Variants in BRINP3 observed in about 807,000 individuals in gnomAD.
BRINP3 encodes BMP/retinoic acid-inducible neural-specific protein 3.
A neutral mutation model predicts 71.0 loss-of-function variants in BRINP3; 19 were observed. The observed-to-expected ratio is 0.27, with a 90% CI of 0.19 to 0.39. The LOEUF is 0.39. BRINP3 is among the 10% of genes least tolerant of loss of function. BRINP3 has a pLI of 1.00. For synonymous variants in BRINP3, 380 were observed against 337.7 expected (o/e 1.13, Z -1.37); for missense variants, 959 against 940.8 (o/e 1.02, Z -0.25).
chr1:190,215,763 C>G (rs1003154183), intron 6 of BRINP3, among the ~76,000 whole-genome samples: 1 of 151,764 alleles, frequency 6.6e-6, no homozygotes, highest in Non-Finnish European at 1.5e-5. Context: ...ATTCTTAGAT[C>G]ATCAAATAAA....
chr1:190,422,791 ATTTGT>A (rs764072451), intron 2 of BRINP3, among the ~76,000 whole-genome samples: 2 of 151,802 alleles, frequency 1.3e-5, no homozygotes, highest in Non-Finnish European at 2.9e-5. Context: ...AGATTTAAGC[ATTTGT>A]TTTATGTTTG....
At chr1:190,252,522 T>C (rs1660240722) in intron 4 of BRINP3, among the ~76,000 whole-genome samples, 1 of 152,098 alleles carries the variant, frequency 6.6e-6, no homozygotes, top group Non-Finnish European at 1.5e-5. Flanking sequence ...CAAAGCTGTT[T>C]CAGCATACAT....
intron 4 of BRINP3, among the ~76,000 whole-genome samples, chr1:190,258,287 C>A (rs1430335364): frequency 6.6e-6 from 1 of 152,216 alleles, no homozygotes; most frequent in Non-Finnish European, 1.5e-5. Flanking sequence ...TGGGACCTCA[C>A]TGAGCCAGGC....
chr1:190,384,150 T>A (rs1048051179), intron 2 of BRINP3, among the ~76,000 whole-genome samples: 2 of 150,684 alleles, frequency 1.3e-5, no homozygotes, highest in Admixed American at 1.3e-4. Context: ...ACAAATGTTT[T>A]TTTTTTCATT....
rs77417134 is a variant in BRINP3, at chr1:190,473,046, T to C, written c.-51+4402A>G. 2.7e-3 allele frequency among the ~76,000 whole-genome samples: 411 copies of C among 152,064 alleles called. 2 individuals carry two copies. The highest frequency in any genetic ancestry group is 9.4e-3 in the African/African-American group (392 of 41,562). On this transcript the variant is annotated intron_variant, in intron 1 of 7. Coordinates refer to ENST00000367462, the MANE Select transcript of BRINP3 (RefSeq NM_199051.3). ...TAAAAGAAAATGAAATTGATCGTTATATGGTATCATGTCTATTTCATTTGG... is the reference window on the plus strand; with the variant it reads ...TAAAAGAAAATGAAATTGATCGTTACATGGTATCATGTCTATTTCATTTGG...
At chr1:190,197,318 A>G (rs1285012162) in intron 6 of BRINP3, among the ~76,000 whole-genome samples, 1 of 152,112 alleles carries the variant, frequency 6.6e-6, no homozygotes, top group Non-Finnish European at 1.5e-5. Flanking sequence ...CCCCTACCAA[A>G]TTTCATGTCC....
Position 190,300,585 on chromosome 1 carries a change from C to T in BRINP3, c.237-18835G>A, listed in dbSNP as rs540787665. Among the ~76,000 whole-genome samples the T allele has an allele frequency of 3.7e-3, 568 of 152,222 alleles. 4 individuals are homozygous for T. The highest frequency in any genetic ancestry group is 0.012 in the African/African-American group (517 of 41,546). The stretch of plus-strand genomic sequence containing the variant: ...CAGCACGCAGCTGGAGATCTGAGAA[C>T]GGGCAGACTGCCTCCTCAAGTGGGT... On this transcript the variant is annotated intron_variant, in intron 2 of 7. Coordinates refer to ENST00000367462, the MANE Select transcript of BRINP3 (RefSeq NM_199051.3).
chr1:190,150,266 A>ATGTGTGTG (rs10640861), intron 7 of BRINP3, among the ~76,000 whole-genome samples: 1 of 128,128 alleles, frequency 7.8e-6, no homozygotes, highest in African/African-American at 3.2e-5. Context: ...GTGCATATCT[A>ATGTGTGTG]TGTGTGTGTG....
chr1:190,399,581 G>A (rs1386044345), intron 2 of BRINP3, among the ~76,000 whole-genome samples: 1 of 151,926 alleles, frequency 6.6e-6, no homozygotes, highest in Non-Finnish European at 1.5e-5. Flanking sequence ...CCAGTCTCTT[G>A]GTAAATGCAG....
At chr1:190,359,230 T>C (rs1281180853) in intron 2 of BRINP3, among the ~76,000 whole-genome samples, 1 of 151,986 alleles carries the variant, frequency 6.6e-6, no homozygotes, top group Admixed American at 6.6e-5. Context: ...AGAATTTAAC[T>C]TGGGCCAGGA....
At chr1:190,296,746 C>T (rs980000371) in intron 2 of BRINP3, among the ~76,000 whole-genome samples, 10 of 151,958 alleles carry the variant, frequency 6.6e-5, no homozygotes, top group African/African-American at 2.2e-4. Flanking sequence ...CAGTACCATT[C>T]CTATACACTA....
At chr1:190,274,366 GA>G (rs143300903) in intron 3 of BRINP3, among the ~76,000 whole-genome samples, 2,717 of 150,934 alleles carry the variant, frequency 0.018, 80 homozygotes, top group African/African-American at 0.062. Context: ...ATTCCGCCCA[GA>G]AAAAAAATTA....
At chr1:190,111,198 A>AAC in intron 7 of BRINP3, among the ~76,000 whole-genome samples, 1 of 150,624 alleles carries the variant, frequency 6.6e-6, no homozygotes, top group Middle Eastern at 3.4e-3. Context: ...AAAAAAAAAA[A>AAC]AAAAAAAAAA....
intron 6 of BRINP3, among the ~76,000 whole-genome samples, chr1:190,209,657 T>C: frequency 6.6e-6 from 1 of 152,260 alleles, no homozygotes; most frequent in Middle Eastern, 3.4e-3. Flanking sequence ...ACTTTAAATC[T>C]TTAAATATCT....
At chr1:190,351,034 C>T (rs1279443105) in intron 2 of BRINP3, among the ~76,000 whole-genome samples, 1 of 152,062 alleles carries the variant, frequency 6.6e-6, no homozygotes, top group East Asian at 1.9e-4. Flanking sequence ...AAACTCCCGA[C>T]CTTGGGTGAT....
intron 1 of BRINP3, among the ~76,000 whole-genome samples, chr1:190,455,318 A>G (rs1675911663): frequency 6.6e-6 from 1 of 152,164 alleles, no homozygotes; most frequent in Admixed American, 6.5e-5. Context: ...AAATTTTAAT[A>G]CTAGATTTAA....
At chr1:190,329,779 A>G (rs1666846216) in intron 2 of BRINP3, among the ~76,000 whole-genome samples, 1 of 152,044 alleles carries the variant, frequency 6.6e-6, no homozygotes, top group South Asian at 2.1e-4. Context: ...CCAAAACAGC[A>G]TAGTACTGAC....
intron 2 of BRINP3, among the ~76,000 whole-genome samples, chr1:190,294,949 T>C (rs1303340916): frequency 6.6e-6 from 1 of 151,866 alleles, no homozygotes; most frequent in Non-Finnish European, 1.5e-5. Flanking sequence ...CAAAGTCCTT[T>C]GCTCTCCTCC....
At chr1:190,436,702 G>C (rs769766584) in intron 2 of BRINP3, among the ~76,000 whole-genome samples, 1 of 151,678 alleles carries the variant, frequency 6.6e-6, no homozygotes, top group Non-Finnish European at 1.5e-5. Flanking sequence ...AAATATGCCT[G>C]GTTGAAAATC....
Sources: allele counts gnomAD v4.1 joint callset (sites outside exome capture counted in the v4.1 genomes callset), GRCh38; gene constraint gnomAD v4.1.1; transcripts MANE v1.5; gene names NCBI Gene and HGNC (gene_info 2026-07-23, HGNC 2026-07-21).